Variants in ZMIZ1 observed in about 807,000 individuals in gnomAD.
The protein encoded by ZMIZ1 is zinc finger MIZ domain-containing protein 1.
A neutral mutation model predicts 113.9 loss-of-function variants in ZMIZ1; 17 were observed. The ratio of observed to expected loss-of-function variants is 0.15; its 90% CI spans 0.10 to 0.22. The LOEUF is 0.22. Among genes scored for constraint, ZMIZ1 ranks in the 10% least tolerant of loss-of-function variants. The pLI, the probability that ZMIZ1 is intolerant of heterozygous loss-of-function variation, is 1.00. For synonymous variants in ZMIZ1, 607 were observed against 603.1 expected, an observed-to-expected ratio of 1.01 and a Z score of -0.09; for missense variants, 1,059 against 1,477.8, an observed-to-expected ratio of 0.72 and a Z score of 4.65.
chr10:79,225,983 A>G (rs995414407), intron 7 of ZMIZ1, among the ~76,000 whole-genome samples: 2 of 152,226 alleles, frequency 1.3e-5, no homozygotes, highest in Non-Finnish European at 2.9e-5. Context: ...AGGGCGAGGG[A>G]TGACAAGCTT....
intron 7 of ZMIZ1, among the ~76,000 whole-genome samples, chr10:79,269,482 C>T (rs1430637074): frequency 6.8e-6 from 1 of 147,368 alleles, no homozygotes; most frequent in African/African-American, 2.6e-5. Flanking sequence ...CACACACACA[C>T]ACACACACTT....
chr10:79,228,161 T>C (rs1049097433), intron 7 of ZMIZ1, among the ~76,000 whole-genome samples: 6 of 152,372 alleles, frequency 3.9e-5, no homozygotes, highest in Admixed American at 6.5e-5. Flanking sequence ...TAAAGTACCA[T>C]TTATTGAGCT....
At chr10:79,082,543 C>G (rs1253635152) in intron 1 of ZMIZ1, among the ~76,000 whole-genome samples, 2 of 152,222 alleles carry the variant, frequency 1.3e-5, no homozygotes, top group African/African-American at 4.8e-5. Context: ...TAATGCCCTT[C>G]TCATCCCATT....
chr10:79,208,485 A>G, intron 6 of ZMIZ1, 36 bp downstream of exon 6: 1 of 1,579,832 alleles, frequency 6.3e-7, no homozygotes, highest in Non-Finnish European at 8.7e-7. Context: ...ATTCCTGCCC[A>G]GGAAGGTCAG....
chr10:79,296,827 C>T lies in ZMIZ1; in HGVS notation c.1413+174C>T. On this transcript the variant is annotated intron_variant, in intron 13 of 24. Transcript: ENST00000334512. The surrounding 1 kb of genome is among the most constrained non-coding windows in gnomAD (Gnocchi z 4.1). ...GGGCGAAGTTCGGTGGCCAGAATGTCAGAGTGGCTTTTCTCAGTTCCTATT... is the reference window on the plus strand; with the variant it reads ...GGGCGAAGTTCGGTGGCCAGAATGTTAGAGTGGCTTTTCTCAGTTCCTATT... 3 of 492,954 alleles carry T rather than the reference C, an allele frequency of 6.1e-6. No individual in the cohort carries two copies. Among genetic ancestry groups the T allele is most frequent in the Non-Finnish European group, 1.0e-5 (3 of 293,452 alleles). 30.5% of individuals were successfully genotyped at this position (492,954 alleles called of 1,614,324 possible).
chr10:79,309,255 C>T (rs1854945039), intron 23 of ZMIZ1, among the ~76,000 whole-genome samples: 1 of 152,232 alleles, frequency 6.6e-6, no homozygotes, highest in African/African-American at 2.4e-5. Flanking sequence ...ACAGCACCTG[C>T]CCCTCCATGC....
intron 7 of ZMIZ1, among the ~76,000 whole-genome samples, chr10:79,265,507 A>G (rs1327132257): frequency 1.5e-5 from 2 of 131,908 alleles, no homozygotes; most frequent in Non-Finnish European, 3.1e-5. Context: ...CCCACAAGTG[A>G]TGGTGATAGA....
chr10:79,168,160 C>A lies in ZMIZ1; in HGVS notation c.-50+6027C>A, dbSNP rs185008435. On this transcript the variant is annotated intron_variant, in intron 4 of 24. Coordinates refer to ENST00000334512, the MANE Select transcript of ZMIZ1 (RefSeq NM_020338.4). Reference sequence around the variant, plus strand: ...CTTGGCTGTATGCTCCATTTATGATCTACCTCTTGTTTGCCTCTGCTCAGG... The same window carrying A: ...CTTGGCTGTATGCTCCATTTATGATATACCTCTTGTTTGCCTCTGCTCAGG... Among the ~76,000 whole-genome samples, 364 of 152,304 alleles carry A rather than the reference C, an allele frequency of 2.4e-3. 1 individual carries two copies. The highest frequency in any genetic ancestry group is 8.1e-3 in the African/African-American group (335 of 41,558).
chr10:79,101,979 C>T (rs561589663), intron 1 of ZMIZ1, among the ~76,000 whole-genome samples: 1 of 152,284 alleles, frequency 6.6e-6, no homozygotes, highest in East Asian at 1.9e-4. Flanking sequence ...GGACCTCCGA[C>T]CAGCTCCCAG....
At chr10:79,161,304 G>C (rs78588826) in intron 3 of ZMIZ1, among the ~76,000 whole-genome samples, 9,651 of 152,228 alleles carry the variant, frequency 0.063, 426 homozygotes, top group Non-Finnish European at 0.099. Flanking sequence ...ACTAGAACTA[G>C]GGTCACATCC....
intron 11 of ZMIZ1, chr10:79,292,640 A>G (rs559064463): frequency 3.9e-6 from 2 of 514,766 alleles, no homozygotes. Flanking sequence ...ATATGGGGAA[A>G]AGGTTCTACA....
At chr10:79,087,617 G>A (rs566752602) in intron 1 of ZMIZ1, among the ~76,000 whole-genome samples, 1 of 152,106 alleles carries the variant, frequency 6.6e-6, no homozygotes, top group Non-Finnish European at 1.5e-5. Flanking sequence ...TGAATAAAAG[G>A]CACCCCTGAT....
intron 7 of ZMIZ1, among the ~76,000 whole-genome samples, chr10:79,228,448 C>A (rs1475107857): frequency 1.3e-5 from 2 of 152,254 alleles, no homozygotes; most frequent in African/African-American, 4.8e-5. Flanking sequence ...GGTGCTCCTT[C>A]TCCTCCTCCA....
intron 7 of ZMIZ1, among the ~76,000 whole-genome samples, chr10:79,243,224 G>A (rs1317415019): frequency 5.3e-5 from 8 of 150,790 alleles, no homozygotes; most frequent in Non-Finnish European, 1.2e-4. Flanking sequence ...GCGCGGCGCA[G>A]AGCGCGGGCC....
intron 2 of ZMIZ1, among the ~76,000 whole-genome samples, chr10:79,123,454 C>T (rs1200462585): frequency 6.6e-6 from 1 of 152,152 alleles, no homozygotes; most frequent in East Asian, 1.9e-4. Flanking sequence ...ATGGTTAGTG[C>T]TTTCTGGCAC....
intron 5 of ZMIZ1, among the ~76,000 whole-genome samples, chr10:79,202,013 C>T (rs565062349): frequency 6.7e-6 from 1 of 149,406 alleles, no homozygotes; most frequent in Non-Finnish European, 1.5e-5. Context: ...CACCACCTCC[C>T]TCCCTAGAAC....
intron 7 of ZMIZ1, among the ~76,000 whole-genome samples, chr10:79,251,208 C>T (rs887005528): frequency 2.6e-5 from 4 of 152,122 alleles, no homozygotes; most frequent in Admixed American, 2.0e-4. Context: ...GTCTGTCCCC[C>T]TCCTCTCCTG....
At chr10:79,203,149 G>A (rs1257580541) in intron 5 of ZMIZ1, among the ~76,000 whole-genome samples, 1 of 152,136 alleles carries the variant, frequency 6.6e-6, no homozygotes, top group Non-Finnish European at 1.5e-5. Flanking sequence ...AGAACTCACA[G>A]CCCCCTACCC....
chr10:79,133,768 C>G (rs1206861622), intron 2 of ZMIZ1, among the ~76,000 whole-genome samples: 1 of 152,184 alleles, frequency 6.6e-6, no homozygotes, highest in Admixed American at 6.5e-5. Flanking sequence ...CAGACCTCAC[C>G]CCTCTGTTTC....
Sources: allele counts gnomAD v4.1 joint callset (sites outside exome capture counted in the v4.1 genomes callset), GRCh38; gene constraint gnomAD v4.1.1; non-coding constraint Gnocchi (gnomAD v3.1); transcripts MANE v1.5; gene names NCBI Gene and HGNC (gene_info 2026-07-23, HGNC 2026-07-21).